UPP2: variants seen among roughly 807,000 people sequenced by gnomAD.
UPP2 encodes uridine phosphorylase 2.
Under a neutral mutation model 26.7 loss-of-function variants are expected in UPP2, and 23 were observed. The ratio of observed to expected loss-of-function variants is 0.86; its 90% confidence interval spans 0.62 to 1.22. The LOEUF is 1.22. Among genes scored for constraint, UPP2 ranks in the 50% most tolerant of loss-of-function variants. UPP2 has a pLI of 0.00. For missense variants in UPP2, 387 were observed against 396.7 expected, an observed-to-expected ratio of 0.98 and a Z score of 0.21; for synonymous variants, 127 against 141.3, an observed-to-expected ratio of 0.90 and a Z score of 0.72.
chr2:158,028,539 C>T (rs1683871764), intron 3 of UPP2, among the ~76,000 whole-genome samples: 2 of 152,188 alleles, frequency 1.3e-5, no homozygotes, highest in African/African-American at 2.4e-5. Flanking sequence ...CCATATTTTC[C>T]TGTCTTCTTC....
chr2:158,092,175 A>G (rs1295697877), intron 3 of UPP2, among the ~76,000 whole-genome samples: 1 of 152,218 alleles, frequency 6.6e-6, no homozygotes, highest in Non-Finnish European at 1.5e-5. Context: ...TGCCAGAAGA[A>G]GATAACCTAT....
intron 2 of UPP2, among the ~76,000 whole-genome samples, chr2:158,113,172 T>C (rs1293306794): frequency 6.6e-6 from 1 of 152,208 alleles, no homozygotes; most frequent in Admixed American, 6.5e-5. Flanking sequence ...TCCTGTCGAT[T>C]ATAGCAATAT....
chr2:158,103,662 G>A (rs1256105619), intron 1 of UPP2, among the ~76,000 whole-genome samples: 1 of 152,196 alleles, frequency 6.6e-6, no homozygotes, highest in African/African-American at 2.4e-5. Context: ...ATAGAATTTG[G>A]AAGAAAAAGT....
chr2:158,129,622 G>A (rs573540236), intron 6 of UPP2, among the ~76,000 whole-genome samples: 3 of 150,932 alleles, frequency 2.0e-5, no homozygotes, highest in South Asian at 2.1e-4. Flanking sequence ...TTCATCTATC[G>A]AAAGATGACC....
At chr2:158,134,223 G>A (rs1683883736) in intron 6 of UPP2, among the ~76,000 whole-genome samples, 2 of 152,078 alleles carry the variant, frequency 1.3e-5, no homozygotes, top group South Asian at 2.1e-4. Flanking sequence ...CAGTACTCAC[G>A]TTTATTGGTA....
At chr2:158,057,202 G>T (rs146916312) in intron 3 of UPP2, among the ~76,000 whole-genome samples, 4 of 152,230 alleles carry the variant, frequency 2.6e-5, no homozygotes, top group African/African-American at 4.8e-5. Context: ...GTTTTGTCAG[G>T]TTTCTCTACT....
intron 3 of UPP2, among the ~76,000 whole-genome samples, chr2:158,065,346 C>CG (rs1179030043): frequency 6.6e-6 from 1 of 152,178 alleles, no homozygotes; most frequent in East Asian, 1.9e-4. Flanking sequence ...TCTGTTGCCT[C>CG]AGTATTACTG....
Position 158,028,795 on chromosome 2 carries a change from C to T in UPP2, c.147+12909C>T, listed in dbSNP as rs149846301. Among the ~76,000 whole-genome samples, 614 of 152,282 alleles carry T rather than the reference C, an allele frequency of 4.0e-3. 7 individuals carry two copies. The East Asian group carries it at 0.043, about 11-fold the overall frequency. The stretch of plus-strand genomic sequence containing the variant: ...GAGGCAAAAGGCACTTCTTACATGG[C>T]GGCAGCAAGAGAAAATGAGGAAGAT... On this transcript the variant is annotated intron_variant, in intron 3 of 9. Coordinates refer to the UPP2 transcript ENST00000605860.
At chr2:158,086,754 A>G (rs1574282977) in intron 3 of UPP2, among the ~76,000 whole-genome samples, 1 of 152,244 alleles carries the variant, frequency 6.6e-6, no homozygotes, top group East Asian at 1.9e-4. Context: ...TGACCCAATG[A>G]TCATTCAGGA....
chr2:157,995,827 T>C (rs1010640552), intron 2 of UPP2, among the ~76,000 whole-genome samples: 3 of 152,098 alleles, frequency 2.0e-5, no homozygotes, highest in African/African-American at 7.2e-5. Context: ...AAAGCTATAA[T>C]AGTTTTTTTG....
chr2:158,041,187 T>C (rs1046473915), intron 3 of UPP2, among the ~76,000 whole-genome samples: 1 of 151,664 alleles, frequency 6.6e-6, no homozygotes, highest in Non-Finnish European at 1.5e-5. Flanking sequence ...ACAAGAAGCA[T>C]TTTTTTTACA....
At chr2:158,031,734 G>A (rs1683924364) in intron 3 of UPP2, among the ~76,000 whole-genome samples, 1 of 152,236 alleles carries the variant, frequency 6.6e-6, no homozygotes. Context: ...AGAAGGCTAT[G>A]AAATAACATT....
At position 158,121,472 on chromosome 2, in the gene UPP2, T is replaced by G; in HGVS notation, c.518T>G (p.Phe173Cys). 6.2e-7 allele frequency: 1 copy of G among 1,613,422 alleles called. No homozygotes were observed. Among genetic ancestry groups the G allele is most frequent in the East Asian group, 2.2e-5 (1 of 44,876 alleles). Residue 173 changes from phenylalanine to cysteine, a missense_variant, in exon 5 of 7, where the codon TTT (phenylalanine) becomes TGT (cysteine). Phe to Cys is a radical substitution (Grantham distance 205). Coordinates refer to ENST00000005756, the MANE Select transcript of UPP2 (RefSeq NM_173355.4). ...IAVDSFFKPR[F>C]EQVILDNIVT... Reference sequence around the variant, plus strand: ...GTAGACTCCTTCTTTAAGCCCCGGTTTGAACAGGTCATTTTGGACAACATT... The same window carrying G: ...GTAGACTCCTTCTTTAAGCCCCGGTGTGAACAGGTCATTTTGGACAACATT...
At chr2:158,075,488 C>T (rs1335483975) in intron 3 of UPP2, among the ~76,000 whole-genome samples, 1 of 151,928 alleles carries the variant, frequency 6.6e-6, no homozygotes, top group Non-Finnish European at 1.5e-5. Context: ...TACCAAGCAT[C>T]TTCTCTGACC....
intron 5 of UPP2, among the ~76,000 whole-genome samples, chr2:158,122,142 T>A (rs569970777): frequency 1.3e-5 from 2 of 152,060 alleles, no homozygotes; most frequent in East Asian, 3.9e-4. Flanking sequence ...ATGACTGCTA[T>A]GTAGCAGCAC....
chr2:158,086,353 C>T (rs1208533621), intron 3 of UPP2, among the ~76,000 whole-genome samples: 2 of 152,036 alleles, frequency 1.3e-5, no homozygotes, highest in Non-Finnish European at 2.9e-5. Flanking sequence ...CATTTTGTTT[C>T]TAATTGAACT....
At chr2:158,064,281 C>T (rs7370027) in intron 3 of UPP2, among the ~76,000 whole-genome samples, 18,671 of 152,102 alleles carry the variant, frequency 0.12, 1,449 homozygotes, top group East Asian at 0.32. Flanking sequence ...TTTTAATGAT[C>T]GCCATTCTAA....
intron 2 of UPP2, among the ~76,000 whole-genome samples, chr2:158,005,216 T>C (rs1683471016): frequency 6.6e-6 from 1 of 152,174 alleles, no homozygotes; most frequent in Non-Finnish European, 1.5e-5. Flanking sequence ...CACTTTGCAC[T>C]GACTATAATT....
At chr2:158,120,568 T>C (rs1388955803) in intron 4 of UPP2, among the ~76,000 whole-genome samples, 1 of 152,002 alleles carries the variant, frequency 6.6e-6, no homozygotes, top group Non-Finnish European at 1.5e-5. Context: ...AAATGGGTAA[T>C]TATAAAAAGT....
Sources: allele counts gnomAD v4.1 joint callset (sites outside exome capture counted in the v4.1 genomes callset), GRCh38; gene constraint gnomAD v4.1.1; transcripts MANE v1.5; gene names NCBI Gene and HGNC (gene_info 2026-07-23, HGNC 2026-07-21).